The following CDC40 variants were observed in gnomAD, a reference collection of about 807,000 sequenced individuals.
The protein encoded by CDC40 is pre-mRNA-processing factor 17.
CDC40 carries 27 observed loss-of-function variants against 80.6 expected under a neutral mutation model. The ratio of observed to expected loss-of-function variants is 0.33; its 90% confidence interval spans 0.25 to 0.46. CDC40 has a LOEUF of 0.46. Ranked by LOEUF, CDC40 falls within the 20% of genes least tolerant of loss-of-function variation. The probability of loss-of-function intolerance (pLI) is 1.00; values close to 1 mark genes in which losing one functional copy is unlikely to be tolerated. For missense variants in CDC40, 486 were observed against 694.1 expected, an observed-to-expected ratio of 0.70 and a Z score of 3.37; for synonymous variants, 221 against 232.6, an observed-to-expected ratio of 0.95 and a Z score of 0.45.
At chr6:110,193,728 A>G (rs550098336) in intron 2 of CDC40, among the ~76,000 whole-genome samples, 1 of 152,264 alleles carries the variant, frequency 6.6e-6, no homozygotes, top group Admixed American at 6.5e-5. Flanking sequence ...TCTATTCTCC[A>G]AAAGTTCAGG....
chr6:110,220,247 G>A lies in CDC40; in HGVS notation c.1340+378G>A, dbSNP rs566390499. Among the ~76,000 whole-genome samples the A allele has an allele frequency of 6.3e-4, 96 of 152,204 alleles. 2 individuals carry two copies. In the South Asian group the frequency reaches 0.019, roughly 30 times the overall value. The stretch of plus-strand genomic sequence containing the variant: ...GCCCTAGAACCACCCAAAGAAAATA[G>A]TGGTGTATATCTTAATTTTTTAAAT... On this transcript the variant is annotated intron_variant, in intron 12 of 14. Coordinates refer to ENST00000307731, the MANE Select transcript of CDC40 (RefSeq NM_015891.3).
chr6:110,188,821 C>G (rs1441696813), intron 1 of CDC40, among the ~76,000 whole-genome samples: 1 of 152,160 alleles, frequency 6.6e-6, no homozygotes, highest in Non-Finnish European at 1.5e-5. Flanking sequence ...TAGTGGTGTT[C>G]AGTCATGGTA....
intron 13 of CDC40, 142 bp downstream of exon 13, chr6:110,226,385 TAGAA>T (rs1275531305): frequency 2.2e-6 from 1 of 450,594 alleles, no homozygotes; most frequent in African/African-American, 2.0e-5. Context: ...TTTACAATAT[TAGAA>T]AGAATTACTG....
At position 110,228,844 on chromosome 6, in the gene CDC40, C is replaced by T. The variant is rs1298465201; in HGVS notation, c.1430C>T (p.Ala477Val). ...ATTGAATTTACAGGAAAATGGCTAGCATGCCAATCAATGGACAACCAAATC... is the reference window on the plus strand; with the variant it reads ...ATTGAATTTACAGGAAAATGGCTAGTATGCCAATCAATGGACAACCAAATC... ...VTLSPNGKWLACQSMDNQILI... is the reference protein window; with the variant it reads ...VTLSPNGKWLVCQSMDNQILI... Residue 477 changes from alanine (A) to valine (V), a missense_variant, in exon 14 of 15, where the codon GCA becomes GTA. Physicochemically the swap from Ala to Val is moderately conservative, Grantham distance 64. Coordinates refer to ENST00000307731, the MANE Select transcript of CDC40 (RefSeq NM_015891.3). 3.8e-6 allele frequency: 6 copies of T among 1,582,228 alleles called. No individual in the cohort carries two copies. Among genetic ancestry groups the T allele is most frequent in the East Asian group, 2.3e-5 (1 of 43,538 alleles).
rs1777898796 is a variant in CDC40 at position 110,228,867 on chromosome 6, A to G, written c.1453A>G (p.Ile485Val). The G allele has an allele frequency of 6.3e-7, 1 of 1,599,586 alleles. No homozygotes were observed. The highest frequency in any genetic ancestry group is 8.5e-7 in the Non-Finnish European group (1 of 1,176,048). Residue 485 changes from isoleucine (I) to valine (V), a missense_variant, in exon 14 of 15, where the codon ATC becomes GTC. Coordinates refer to ENST00000307731, the MANE Select transcript of CDC40 (RefSeq NM_015891.3). ...WLACQSMDNQ[I>V]LIFGAQNRFR... Reference sequence around the variant, plus strand: ...AGCATGCCAATCAATGGACAACCAAATCTTAATTTTTGGAGCACAGAACAG... The same window carrying G: ...AGCATGCCAATCAATGGACAACCAAGTCTTAATTTTTGGAGCACAGAACAG...
Position 110,213,097 on chromosome 6 carries a change from A to C in CDC40, c.879A>C (p.Ala293=). 1 of 1,608,132 alleles carries C rather than the reference A, an allele frequency of 6.2e-7. No individual in the cohort carries two copies. The highest frequency in any genetic ancestry group is 1.1e-5 in the South Asian group (1 of 90,966). The change falls in exon 8 of 15, where the codon GCA becomes GCC. Residue 293 remains alanine, a synonymous_variant. Coordinates refer to ENST00000307731, the MANE Select transcript of CDC40 (RefSeq NM_015891.3). The part of the protein sequence containing the change: ...VWSGHTKGVS[A]VRLFPLSGHL... ...ATACCTTTTTATAGGGCGTCAGTGC[A>C]GTCAGATTGTTTCCTCTCTCTGGCC...
chr6:110,211,294 A>G (rs1359017899), intron 6 of CDC40: 2 of 152,190 alleles, frequency 1.3e-5, no homozygotes, highest in East Asian at 3.8e-4. Flanking sequence ...GGAAATGCAT[A>G]TTCACCAAAA....
chr6:110,225,648 C>T (rs1407870965), intron 12 of CDC40, among the ~76,000 whole-genome samples: 1 of 152,184 alleles, frequency 6.6e-6, no homozygotes, highest in Non-Finnish European at 1.5e-5. Context: ...TTAACACTCT[C>T]ACCTCCTCAA....
chr6:110,221,833 T>G (rs1327096016), intron 12 of CDC40, among the ~76,000 whole-genome samples: 1 of 152,118 alleles, frequency 6.6e-6, no homozygotes, highest in Non-Finnish European at 1.5e-5. Context: ...GAAAGAATTT[T>G]TATTAAACTA....
intron 3 of CDC40, among the ~76,000 whole-genome samples, chr6:110,205,885 A>G (rs1174893576): frequency 1.3e-5 from 2 of 152,210 alleles, no homozygotes. Flanking sequence ...AAAATAACTC[A>G]TGGGATTTGA....
intron 1 of CDC40, among the ~76,000 whole-genome samples, chr6:110,184,926 CAAT>C (rs1214337958): frequency 3.3e-5 from 5 of 151,942 alleles, no homozygotes; most frequent in Non-Finnish European, 7.4e-5. Flanking sequence ...TTATATCTCT[CAAT>C]AATTGATAGA....
chr6:110,226,028 G>C (rs958059619), intron 12 of CDC40, 139 bp from the exon 13 acceptor site: 2 of 591,856 alleles, frequency 3.4e-6, no homozygotes, highest in Non-Finnish European at 5.9e-6. Context: ...TCTTCTTCCA[G>C]AAAGTTTCAT....
chr6:110,212,242 A>T lies in CDC40; in HGVS notation c.837A>T (p.Lys279Asn). 6.2e-7 allele frequency: 1 copy of T among 1,614,132 alleles called. No homozygotes were observed. The highest frequency in any genetic ancestry group is 8.5e-7 in the Non-Finnish European group (1 of 1,180,016). ...MPPEKCYLPK[K>N]QIHVWSGHTK... Reference sequence around the variant, plus strand: ...CTGAGAAGTGTTATCTTCCCAAAAAACAAATTCATGTGTGGTCTGGACACA... The same window carrying T: ...CTGAGAAGTGTTATCTTCCCAAAAATCAAATTCATGTGTGGTCTGGACACA... Residue 279 changes from lysine to asparagine, a missense_variant, in exon 7 of 15, where the codon AAA becomes AAT. Lys to Asn is a moderately conservative substitution (Grantham distance 94). Coordinates refer to ENST00000307731, the MANE Select transcript of CDC40 (RefSeq NM_015891.3).
At chr6:110,184,967 C>A (rs1049186443) in intron 1 of CDC40, among the ~76,000 whole-genome samples, 1 of 152,124 alleles carries the variant, frequency 6.6e-6, no homozygotes, top group African/African-American at 2.4e-5. Flanking sequence ...AGTAATGATA[C>A]AGAATATGTG....
chr6:110,217,577 A>G, intron 9 of CDC40, 125 bp from the exon 10 acceptor site: 1 of 635,712 alleles, frequency 1.6e-6, no homozygotes. Flanking sequence ...GTGGCATTCC[A>G]GTGATCTTGA....
At chr6:110,193,413 T>G in intron 2 of CDC40, 145 bp downstream of exon 2, 1 of 468,136 alleles carries the variant, frequency 2.1e-6, no homozygotes, top group Non-Finnish European at 3.9e-6. Flanking sequence ...TTTTTTGTTG[T>G]TTTTTTTTTG....
intron 2 of CDC40, among the ~76,000 whole-genome samples, chr6:110,199,820 C>G (rs1471783133): frequency 2.6e-5 from 4 of 152,050 alleles, no homozygotes; most frequent in Admixed American, 1.3e-4. Context: ...CACCATGCCC[C>G]CTCCACCCCA....
At chr6:110,201,365 C>T (rs1193809774) in intron 2 of CDC40, among the ~76,000 whole-genome samples, 193 bp from the exon 3 acceptor site, 2 of 152,188 alleles carry the variant, frequency 1.3e-5, no homozygotes, top group Non-Finnish European at 2.9e-5. Flanking sequence ...TCCTCTCCTT[C>T]TGTCCCAGGG....
In CDC40 at chr6:110,229,960, G is replaced by C; in HGVS notation, c.1569G>C (p.Val523=). ...QVDFSPDMSY[V]ISGDGNGKLN... ...ATCTTTCTTCCCATTATAGTTATGT[G>C]ATTTCAGGAGATGGAAATGGAAAAT... is the stretch of plus-strand genomic sequence containing the variant. Residue 523 remains valine (V), a synonymous_variant, in exon 15 of 15, where the codon GTG becomes GTC. Transcript: ENST00000307731. The C allele has an allele frequency of 6.3e-7, 1 of 1,598,644 alleles. No homozygotes were observed. The highest frequency in any genetic ancestry group is 8.6e-7 in the Non-Finnish European group (1 of 1,167,098).
Sources: gnomAD v4.1 joint callset for allele counts (sites outside exome capture counted in the v4.1 genomes callset) on GRCh38, gnomAD v4.1.1 for gene constraint, MANE v1.5 for transcripts, NCBI Gene and HGNC (gene_info 2026-07-23, HGNC 2026-07-21) for gene names.